COMMD10: variants seen among roughly 807,000 people sequenced by gnomAD.
COMMD10 encodes the protein COMM domain-containing protein 10.
In COMMD10, 33 loss-of-function variants were observed where a neutral mutation model predicts 28.9. The ratio of observed to expected loss-of-function variants is 1.14; its 90% CI spans 0.87 to 1.53. The LOEUF (loss-of-function observed/expected upper bound fraction) is 1.53. Ranked by LOEUF, COMMD10 falls within the 40% of genes most tolerant of loss-of-function variation. The pLI, the probability that COMMD10 is intolerant of heterozygous loss-of-function variation, is 0.00. For synonymous variants in COMMD10, 110 were observed against 81.7 expected (o/e 1.35, Z -1.87); for missense variants, 310 against 233.4 (o/e 1.33, Z -2.14).
At chr5:116,267,722 A>G (rs1750631525) in intron 5 of COMMD10, among the ~76,000 whole-genome samples, 2 of 151,932 alleles carry the variant, frequency 1.3e-5, no homozygotes, top group Non-Finnish European at 2.9e-5. Flanking sequence ...CAGTAACCAA[A>G]ACAGCATGGT....
At chr5:116,143,058 GT>G (rs1752241802) in intron 5 of COMMD10, among the ~76,000 whole-genome samples, 1 of 226 alleles carries the variant, frequency 4.4e-3, no homozygotes. Flanking sequence ...TCAATTTAAT[GT>G]GTGTTTTTGG....
chr5:116,111,068 A>T (rs1751027107), intron 4 of COMMD10, among the ~76,000 whole-genome samples: 1 of 152,202 alleles, frequency 6.6e-6, no homozygotes. Context: ...ATGAACATGT[A>T]GTTGTTCATA....
intron 5 of COMMD10, among the ~76,000 whole-genome samples, chr5:116,264,534 C>G (rs541413937): frequency 6.6e-6 from 1 of 151,724 alleles, no homozygotes; most frequent in African/African-American, 2.4e-5. Flanking sequence ...TTGGATGATG[C>G]GAGCGCATTA....
intron 4 of COMMD10, among the ~76,000 whole-genome samples, chr5:116,114,693 G>T (rs970511168): frequency 8.5e-5 from 13 of 152,202 alleles, no homozygotes; most frequent in Non-Finnish European, 1.5e-4. Flanking sequence ...TGCCATGATG[G>T]GAGAGTGGGG....
intron 5 of COMMD10, among the ~76,000 whole-genome samples, chr5:116,223,301 ATAAGT>A (rs1554104337): frequency 6.6e-6 from 1 of 152,080 alleles, no homozygotes; most frequent in Non-Finnish European, 1.5e-5. Context: ...GAAGTATAAG[ATAAGT>A]TAAATGTATA....
At chr5:116,104,276 T>G (rs550863858) in intron 4 of COMMD10, among the ~76,000 whole-genome samples, 3 of 152,350 alleles carry the variant, frequency 2.0e-5, no homozygotes, top group Middle Eastern at 6.8e-3. Flanking sequence ...TTCCTATCCA[T>G]GAGCATGGAA....
chr5:116,204,142 A>C (rs1748750701), intron 5 of COMMD10, among the ~76,000 whole-genome samples: 1 of 152,096 alleles, frequency 6.6e-6, no homozygotes, highest in Admixed American at 6.5e-5. Flanking sequence ...AGAGACAAAG[A>C]AGGCCATTAC....
At chr5:116,239,576 C>G (rs927440159) in intron 5 of COMMD10, among the ~76,000 whole-genome samples, 2 of 152,002 alleles carry the variant, frequency 1.3e-5, no homozygotes, top group Non-Finnish European at 2.9e-5. Context: ...ATTGGAGTGG[C>G]CTTTGCAGGT....
At chr5:116,190,855 T>C (rs1284612644) in intron 5 of COMMD10, among the ~76,000 whole-genome samples, 1 of 152,186 alleles carries the variant, frequency 6.6e-6, no homozygotes, top group African/African-American at 2.4e-5. Flanking sequence ...ATTGGTAGAG[T>C]ACAAGTTGGG....
At chr5:116,135,358 C>G (rs1177073597) in intron 5 of COMMD10, among the ~76,000 whole-genome samples, 2 of 152,206 alleles carry the variant, frequency 1.3e-5, no homozygotes, top group East Asian at 1.9e-4. Flanking sequence ...TAAGAAGTAT[C>G]TAGCCCAGAT....
chr5:116,141,482 C>G (rs946025519), intron 5 of COMMD10, among the ~76,000 whole-genome samples: 36 of 151,728 alleles, frequency 2.4e-4, no homozygotes, highest in African/African-American at 6.8e-4. Context: ...TGCATTGAAT[C>G]CATATATTGC....
chr5:116,207,817 C>T (rs1748853793), intron 5 of COMMD10, among the ~76,000 whole-genome samples: 1 of 152,140 alleles, frequency 6.6e-6, no homozygotes, highest in South Asian at 2.1e-4. Context: ...CCATGCCCTG[C>T]CAAAAATCAG....
At chr5:116,164,628 T>G (rs138015759) in intron 5 of COMMD10, among the ~76,000 whole-genome samples, 1 of 152,354 alleles carries the variant, frequency 6.6e-6, no homozygotes, top group African/African-American at 2.4e-5. Flanking sequence ...AGCCAACTTG[T>G]AGTTTACAAA....
At chr5:116,201,950 A>G (rs1748678339) in intron 5 of COMMD10, among the ~76,000 whole-genome samples, 1 of 151,950 alleles carries the variant, frequency 6.6e-6, no homozygotes, top group Admixed American at 6.5e-5. Context: ...GGTTAGTTAC[A>G]TATGTATACA....
intron 4 of COMMD10, among the ~76,000 whole-genome samples, chr5:116,126,469 C>G (rs1032078105): frequency 2.6e-5 from 4 of 152,096 alleles, no homozygotes; most frequent in Admixed American, 2.6e-4. Context: ...ATTGCCAAGT[C>G]AATCCTAAGC....
chr5:116,207,305 T>C lies in COMMD10; in HGVS notation c.510+73127T>C, dbSNP rs193040094. Among the ~76,000 whole-genome samples the C allele has an allele frequency of 1.0e-3, 157 of 152,342 alleles. No individual in the cohort carries two copies. The East Asian group carries it at 0.012, about 12-fold the overall frequency. ...GCATTGTGTTTTATTACTAATAGTTTAGATAAATCTGTATATCCAAATTGT... is the reference window on the plus strand; with the variant it reads ...GCATTGTGTTTTATTACTAATAGTTCAGATAAATCTGTATATCCAAATTGT... On this transcript the variant is annotated intron_variant, in intron 5 of 6. Transcript: ENST00000274458.
At chr5:116,130,714 C>G (rs1402863428) in intron 4 of COMMD10, among the ~76,000 whole-genome samples, 1 of 151,976 alleles carries the variant, frequency 6.6e-6, no homozygotes, top group Non-Finnish European at 1.5e-5. Context: ...AGCCACATGG[C>G]TAAGGAGTTT....
intron 5 of COMMD10, among the ~76,000 whole-genome samples, chr5:116,140,109 T>C (rs1354014547): frequency 6.6e-6 from 1 of 151,676 alleles, no homozygotes; most frequent in Non-Finnish European, 1.5e-5. Flanking sequence ...CACATATAAG[T>C]GAGATCATGC....
chr5:116,184,014 A>G (rs181210005), intron 5 of COMMD10, among the ~76,000 whole-genome samples: 1 of 152,262 alleles, frequency 6.6e-6, no homozygotes, highest in Admixed American at 6.5e-5. Context: ...TTAAGGGTTA[A>G]TAATCCAGTT....
Sources: gnomAD v4.1 joint callset for allele counts (sites outside exome capture counted in the v4.1 genomes callset) on GRCh38, gnomAD v4.1.1 for gene constraint, MANE v1.5 for transcripts, NCBI Gene and HGNC (gene_info 2026-07-23, HGNC 2026-07-21) for gene names.